The following FHIP1A variants were observed in gnomAD, a reference collection of about 807,000 sequenced individuals.
FHIP1A encodes FHF complex subunit HOOK-interacting protein 1A.
A neutral mutation model predicts 88.6 loss-of-function variants in FHIP1A; 61 were observed. That is an observed-to-expected ratio of 0.69 (90% confidence interval 0.56 to 0.85). The LOEUF (loss-of-function observed/expected upper bound fraction) is 0.85. Among genes scored for constraint, FHIP1A ranks in the 40% least tolerant of loss-of-function variants. The probability of loss-of-function intolerance (pLI) is 0.00; values close to 1 mark genes in which losing one functional copy is unlikely to be tolerated. For missense variants in FHIP1A, 1,154 were observed against 1,273.5 expected (o/e 0.91, Z 1.43); for synonymous variants, 478 against 496.0 (o/e 0.96, Z 0.48).
intron 1 of FHIP1A, among the ~76,000 whole-genome samples, chr4:151,427,844 C>A (rs144336291): frequency 6.6e-6 from 1 of 151,920 alleles, no homozygotes; most frequent in African/African-American, 2.4e-5. Context: ...AAATCATTGG[C>A]GAAGGAATAG....
chr4:151,491,545 T>C (rs1472904035), intron 3 of FHIP1A, among the ~76,000 whole-genome samples: 1 of 151,738 alleles, frequency 6.6e-6, no homozygotes, highest in Non-Finnish European at 1.5e-5. Context: ...CCTTAAAGCA[T>C]AAATCTCACA....
At chr4:151,420,624 C>T (rs1733090395) in intron 1 of FHIP1A, among the ~76,000 whole-genome samples, 1 of 152,214 alleles carries the variant, frequency 6.6e-6, no homozygotes, top group African/African-American at 2.4e-5. Flanking sequence ...TTGCTGCCAT[C>T]CAGTGTTATC....
intron 2 of FHIP1A, among the ~76,000 whole-genome samples, chr4:151,477,648 A>G (rs1729755420): frequency 6.6e-6 from 1 of 152,162 alleles, no homozygotes; most frequent in Admixed American, 6.5e-5. Context: ...CATAAGAAAA[A>G]GTCCAAAAAC....
intron 3 of FHIP1A, among the ~76,000 whole-genome samples, chr4:151,483,254 A>G (rs1729963741): frequency 1.3e-5 from 2 of 151,996 alleles, no homozygotes; most frequent in African/African-American, 2.4e-5. Flanking sequence ...AAACTTCCTT[A>G]TTAGATATAC....
At chr4:151,500,742 T>A (rs1730621347) in intron 3 of FHIP1A, among the ~76,000 whole-genome samples, 1 of 152,192 alleles carries the variant, frequency 6.6e-6, no homozygotes, top group South Asian at 2.1e-4. Context: ...TATTTTTAGA[T>A]CATTCCAGGA....
chr4:151,535,957 T>G (rs1732052400), intron 3 of FHIP1A, among the ~76,000 whole-genome samples: 1 of 152,208 alleles, frequency 6.6e-6, no homozygotes, highest in South Asian at 2.1e-4. Context: ...TTCGTTACAG[T>G]TAATACTCTA....
intron 8 of FHIP1A, among the ~76,000 whole-genome samples, chr4:151,631,074 C>CCT (rs1736140246): frequency 6.6e-6 from 1 of 151,896 alleles, no homozygotes; most frequent in Admixed American, 6.6e-5. Context: ...AAAGCAGTAA[C>CCT]CTAAGCTTCT....
At chr4:151,550,017 G>A (rs1474823557) in intron 3 of FHIP1A, among the ~76,000 whole-genome samples, 1 of 152,132 alleles carries the variant, frequency 6.6e-6, no homozygotes, top group Non-Finnish European at 1.5e-5. Context: ...GAAAGAACAA[G>A]TGAGTGACAG....
intron 5 of FHIP1A, among the ~76,000 whole-genome samples, chr4:151,581,393 G>A (rs114560834): frequency 0.014 from 2,168 of 152,242 alleles, 41 homozygotes; most frequent in African/African-American, 0.047. Context: ...GAAACACTTG[G>A]TGATGGGTTT....
At chr4:151,533,107 T>G (rs1458185360) in intron 3 of FHIP1A, 1 of 152,232 alleles carries the variant, frequency 6.6e-6, no homozygotes, top group African/African-American at 2.4e-5. Flanking sequence ...TGGAGAGAGA[T>G]CTGTACTAGC....
At position 151,618,192 on chromosome 4, in the gene FHIP1A, A is replaced by G. The variant is rs1002200692; in HGVS notation, c.979-11510A>G. Among the ~76,000 whole-genome samples the G allele has an allele frequency of 2.0e-4, 31 of 152,372 alleles. 1 individual carries two copies. The highest frequency in any genetic ancestry group is 1.9e-3 in the Admixed American group (29 of 15,306). On this transcript the variant is annotated intron_variant, in intron 7 of 13. Coordinates refer to ENST00000435205, the MANE Select transcript of FHIP1A (RefSeq NM_001109977.3). The stretch of plus-strand genomic sequence containing the variant: ...ATAGATGTGTCAAAAGAAAGTGGCT[A>G]GCACTCATCACTATATTAGAATAGA...
chr4:151,493,304 A>G (rs540495830), intron 3 of FHIP1A, among the ~76,000 whole-genome samples: 6 of 152,320 alleles, frequency 3.9e-5, no homozygotes, highest in South Asian at 2.1e-4. Context: ...GAACAGACCA[A>G]TAACAAGTAG....
chr4:151,520,768 T>G (rs2126694399), intron 3 of FHIP1A, among the ~76,000 whole-genome samples: 1 of 152,280 alleles, frequency 6.6e-6, no homozygotes, highest in East Asian at 1.9e-4. Flanking sequence ...CAGAGGAAAA[T>G]TCACTTTGCT....
intron 2 of FHIP1A, among the ~76,000 whole-genome samples, chr4:151,470,312 A>G (rs1196693610): frequency 6.6e-6 from 1 of 152,218 alleles, no homozygotes; most frequent in Non-Finnish European, 1.5e-5. Context: ...CTGTGTGTTA[A>G]GGCAGGCTGT....
chr4:151,625,023 G>A (rs1375874570), intron 7 of FHIP1A, among the ~76,000 whole-genome samples: 2 of 152,146 alleles, frequency 1.3e-5, no homozygotes, highest in Non-Finnish European at 2.9e-5. Context: ...AGCCTTTCCA[G>A]CTGCTGCCCT....
chr4:151,575,873 A>G (rs949988878), intron 4 of FHIP1A, among the ~76,000 whole-genome samples: 2 of 152,166 alleles, frequency 1.3e-5, no homozygotes, highest in Non-Finnish European at 2.9e-5. Flanking sequence ...CAAAAATTCC[A>G]TAACCTAAGT....
intron 1 of FHIP1A, among the ~76,000 whole-genome samples, chr4:151,443,086 C>A (rs1305630158): frequency 6.6e-6 from 1 of 152,012 alleles, no homozygotes; most frequent in Non-Finnish European, 1.5e-5. Context: ...GCCTAGATAA[C>A]ATAGCGAGAC....
At position 151,460,440 on chromosome 4, in the gene FHIP1A, C is replaced by T. The variant is rs147263387; in HGVS notation, c.-248+5632C>T. Among the ~76,000 whole-genome samples, 1,155 of 152,286 alleles carry T rather than the reference C, an allele frequency of 7.6e-3. 14 individuals are homozygous for T. The highest frequency in any genetic ancestry group is 0.024 in the African/African-American group (1,005 of 41,548). Reference sequence around the variant, plus strand: ...GTTTCTGCTGTTGTACCTACCACCACCACCACCTTTTCCTGAGTCTTAATT... The same window carrying T: ...GTTTCTGCTGTTGTACCTACCACCATCACCACCTTTTCCTGAGTCTTAATT... On this transcript the variant is annotated intron_variant, in intron 2 of 13. Coordinates refer to ENST00000435205, the MANE Select transcript of FHIP1A (RefSeq NM_001109977.3).
At chr4:151,514,373 C>T (rs906857676) in intron 3 of FHIP1A, among the ~76,000 whole-genome samples, 3 of 151,676 alleles carry the variant, frequency 2.0e-5, no homozygotes, top group Admixed American at 2.0e-4. Flanking sequence ...AATTGACACC[C>T]TAACATCACA....
Sources: gnomAD v4.1 joint callset for allele counts (sites outside exome capture counted in the v4.1 genomes callset) on GRCh38, gnomAD v4.1.1 for gene constraint, MANE v1.5 for transcripts, NCBI Gene and HGNC (gene_info 2026-07-23, HGNC 2026-07-21) for gene names.